BACH2: variants seen among roughly 807,000 people sequenced by gnomAD.
The protein encoded by BACH2 is BACH transcriptional regulator 2.
Under a neutral mutation model 61.8 loss-of-function variants are expected in BACH2, and 5 were observed. The observed-to-expected ratio is 0.08, with a 90% CI of 0.04 to 0.17. The LOEUF (loss-of-function observed/expected upper bound fraction) is 0.17, where lower values mean the gene tolerates loss of function less well. Ranked by LOEUF, BACH2 falls within the 10% of genes least tolerant of loss-of-function variation. The pLI is 1.00. For synonymous variants in BACH2, 446 were observed against 440.1 expected, an observed-to-expected ratio of 1.01 and a Z score of -0.17; for missense variants, 824 against 1,091.1, an observed-to-expected ratio of 0.76 and a Z score of 3.45.
At chr6:90,022,298 C>T (rs1778419916) in intron 5 of BACH2, among the ~76,000 whole-genome samples, 1 of 152,112 alleles carries the variant, frequency 6.6e-6, no homozygotes, top group Admixed American at 6.5e-5. Flanking sequence ...ATGTAATCGA[C>T]ATCGGTCAGG....
intron 5 of BACH2, among the ~76,000 whole-genome samples, chr6:90,029,976 A>G (rs1341399262): frequency 6.6e-6 from 1 of 152,240 alleles, no homozygotes; most frequent in Non-Finnish European, 1.5e-5. Flanking sequence ...CCATTTGCAG[A>G]GATGCTGAGT....
intron 5 of BACH2, chr6:90,080,873 TGAG>T: frequency 1.5e-6 from 1 of 684,138 alleles, no homozygotes; most frequent in African/African-American, 2.0e-5. Context: ...GCAGCTCTGA[TGAG>T]ATGTCTCAGA....
intron 4 of BACH2, among the ~76,000 whole-genome samples, chr6:90,141,193 C>A (rs909811858): frequency 6.6e-6 from 1 of 152,066 alleles, no homozygotes; most frequent in East Asian, 1.9e-4. Context: ...ACTGCTCCCC[C>A]ACCCAGGGAT....
chr6:90,226,661 T>C (rs1268838907), intron 3 of BACH2, among the ~76,000 whole-genome samples: 2 of 152,178 alleles, frequency 1.3e-5, no homozygotes, highest in Non-Finnish European at 2.9e-5. Flanking sequence ...TATTGGTCTA[T>C]TACTGTCAAT....
At chr6:90,240,605 G>A (rs1023304222) in intron 3 of BACH2, among the ~76,000 whole-genome samples, 1 of 152,214 alleles carries the variant, frequency 6.6e-6, no homozygotes, top group African/African-American at 2.4e-5. Context: ...AAGAGGAGAT[G>A]TACTTCAAAA....
At chr6:90,117,118 TG>T (rs1562455166) in intron 4 of BACH2, 1 of 257,048 alleles carries the variant, frequency 3.9e-6, no homozygotes, top group African/African-American at 2.2e-5. Context: ...TCAAGGTGCA[TG>T]CGCCCAGCAC....
intron 4 of BACH2, among the ~76,000 whole-genome samples, chr6:90,102,725 G>GGT (rs1361325720): frequency 6.6e-6 from 1 of 150,910 alleles, no homozygotes; most frequent in Non-Finnish European, 1.5e-5. Flanking sequence ...AGGAGGCAGA[G>GGT]GTTACAGTGA....
intron 4 of BACH2, among the ~76,000 whole-genome samples, chr6:90,134,915 T>C (rs1039991571): frequency 5.9e-5 from 9 of 151,310 alleles, no homozygotes; most frequent in African/African-American, 1.7e-4. Context: ...TTAACAGTTA[T>C]TGAGATCTAC....
At chr6:90,209,889 A>G (rs901671367) in intron 3 of BACH2, among the ~76,000 whole-genome samples, 2 of 152,184 alleles carry the variant, frequency 1.3e-5, no homozygotes, top group African/African-American at 4.8e-5. Flanking sequence ...AAATATTACG[A>G]TAGTTTTTTC....
chr6:90,084,319 C>T (rs1311996884), intron 5 of BACH2, among the ~76,000 whole-genome samples: 1 of 151,908 alleles, frequency 6.6e-6, no homozygotes, highest in African/African-American at 2.4e-5. Flanking sequence ...TCGGTGACTG[C>T]TGGTTTGATG....
intron 4 of BACH2, among the ~76,000 whole-genome samples, chr6:90,160,472 T>C (rs369874750): frequency 3.3e-5 from 5 of 152,204 alleles, no homozygotes; most frequent in Non-Finnish European, 5.9e-5. Flanking sequence ...TATGGACTGT[T>C]TTCTGTGAAT....
intron 5 of BACH2, among the ~76,000 whole-genome samples, chr6:90,081,410 A>G (rs1029001550): frequency 6.6e-6 from 1 of 152,174 alleles, no homozygotes; most frequent in Non-Finnish European, 1.5e-5. Flanking sequence ...CCACTTCCCC[A>G]CACCCGTAAC....
chr6:90,199,915 C>T (rs1768899424), intron 4 of BACH2, among the ~76,000 whole-genome samples: 1 of 152,224 alleles, frequency 6.6e-6, no homozygotes, highest in African/African-American at 2.4e-5. Flanking sequence ...AAGCCTGCCA[C>T]ATATAAGACA....
rs1773439573 is a variant in BACH2, at chr6:89,941,676, C to G, written c.1837-3326G>C. Among the ~76,000 whole-genome samples, 4 of 152,232 alleles carry G rather than the reference C, an allele frequency of 2.6e-5. No individual in the cohort carries two copies. In the South Asian group the frequency reaches 8.3e-4, roughly 32 times the overall value. ...GTGTCTCCGGAACACAGAGGTCTGT[C>G]TGTTGGAGATGTGGATGTTCCAACA... On this transcript the variant is annotated intron_variant, in intron 7 of 8. Coordinates refer to ENST00000257749, the MANE Select transcript of BACH2 (RefSeq NM_021813.4).
In BACH2 at chr6:90,281,618, ATATT is replaced by A. The variant is rs529515820; in HGVS notation, c.-445-9681_-445-9678del. ...ATCTATGTATGTATCCCTAAATAACATATTTAGTTTTGCATGCTTTTGAACTTTA... is the reference window on the plus strand; with the variant it reads ...ATCTATGTATGTATCCCTAAATAACATAGTTTTGCATGCTTTTGAACTTTA... On this transcript the variant is annotated intron_variant, in intron 1 of 8. Transcript: ENST00000257749. 8.3e-3 allele frequency among the ~76,000 whole-genome samples: 1,259 copies of A among 152,240 alleles called. 13 individuals carry two copies. The highest frequency in any genetic ancestry group is 0.028 in the African/African-American group (1,164 of 41,530).
At chr6:89,971,789 G>T (rs1775373266) in intron 6 of BACH2, among the ~76,000 whole-genome samples, 2 of 152,148 alleles carry the variant, frequency 1.3e-5, no homozygotes. Context: ...GATCTCATGA[G>T]ACTTATTCAC....
chr6:90,030,057 G>C (rs1010449951), intron 5 of BACH2, among the ~76,000 whole-genome samples: 1 of 152,166 alleles, frequency 6.6e-6, no homozygotes, highest in African/African-American at 2.4e-5. Context: ...GAAACACATT[G>C]CCCATTGGCT....
At chr6:90,215,356 C>G (rs901410067) in intron 3 of BACH2, among the ~76,000 whole-genome samples, 4 of 152,050 alleles carry the variant, frequency 2.6e-5, no homozygotes, top group Admixed American at 2.6e-4. Flanking sequence ...ATCTTCTTGC[C>G]CCCCTTTCAC....
chr6:90,148,673 TTAAG>T (rs375625839), intron 4 of BACH2, among the ~76,000 whole-genome samples: 529 of 151,880 alleles, frequency 3.5e-3, no homozygotes, highest in African/African-American at 0.012. Flanking sequence ...AATGTAATGG[TTAAG>T]TGTCTGTTTT....
Sources: gnomAD v4.1 joint callset for allele counts (sites outside exome capture counted in the v4.1 genomes callset) on GRCh38, gnomAD v4.1.1 for gene constraint, MANE v1.5 for transcripts, NCBI Gene and HGNC (gene_info 2026-07-23, HGNC 2026-07-21) for gene names.